SLC35G2: variants seen among roughly 807,000 people sequenced by gnomAD.
SLC35G2 encodes solute carrier family 35 member G2.
SLC35G2 carries 20 observed loss-of-function variants against 27.2 expected under a neutral mutation model. The ratio of observed to expected loss-of-function variants is 0.74; its 90% CI spans 0.52 to 1.07. The LOEUF (loss-of-function observed/expected upper bound fraction) is 1.07. Among genes scored for constraint, SLC35G2 ranks in the 50% least tolerant of loss-of-function variants. SLC35G2 has a pLI of 0.00. For synonymous variants in SLC35G2, 148 were observed against 165.3 expected (o/e 0.90, Z 0.80); for missense variants, 416 against 493.3 (o/e 0.84, Z 1.48).
intron 1 of SLC35G2, among the ~76,000 whole-genome samples, chr3:136,834,254 A>G (rs749225257): frequency 1.3e-5 from 2 of 152,228 alleles, no homozygotes; most frequent in South Asian, 2.1e-4. Context: ...AGTAAATACT[A>G]TTTTAATTTC....
At chr3:136,841,547 G>A (rs1937096509) in intron 1 of SLC35G2, among the ~76,000 whole-genome samples, 2 of 151,984 alleles carry the variant, frequency 1.3e-5, no homozygotes, top group African/African-American at 4.8e-5. Context: ...TGACTAACAT[G>A]GAGAAACCCC....
chr3:136,843,683 A>G (rs1937217064), intron 1 of SLC35G2, among the ~76,000 whole-genome samples: 1 of 151,948 alleles, frequency 6.6e-6, no homozygotes, highest in Non-Finnish European at 1.5e-5. Flanking sequence ...CTGTAATCCC[A>G]GCACTTTGGG....
Position 136,846,392 on chromosome 3 carries a change from A to T in SLC35G2, c.-18-8051A>T, listed in dbSNP as rs1937379220. The T allele has an allele frequency of 2.0e-5, 3 of 152,172 alleles. No homozygotes were observed. The South Asian group carries it at 6.2e-4, about 31-fold the overall frequency. The allele number at this position is 152,172 out of a possible 1,614,324, so 9.4% of individuals were successfully genotyped here. On this transcript the variant is annotated intron_variant, in intron 1 of 1. Transcript: ENST00000446465. The stretch of plus-strand genomic sequence containing the variant: ...ACCAAACTGTGCATACTTTTAATTC[A>T]TTTGTATCCACTATTTTTGGTGGAA...
chr3:136,831,826 T>G (rs1936735401), intron 1 of SLC35G2, among the ~76,000 whole-genome samples: 2 of 152,030 alleles, frequency 1.3e-5, no homozygotes, highest in Admixed American at 6.6e-5. Context: ...GGAGTAATAG[T>G]ACCTACCTTG....
At chr3:136,828,876 T>G (rs1241669416) in intron 1 of SLC35G2, among the ~76,000 whole-genome samples, 1 of 152,106 alleles carries the variant, frequency 6.6e-6, no homozygotes, top group Non-Finnish European at 1.5e-5. Context: ...ATTTCTTGCT[T>G]TGTGTGTGTG....
intron 1 of SLC35G2, among the ~76,000 whole-genome samples, chr3:136,847,067 T>C (rs979459049): frequency 7.2e-5 from 11 of 152,012 alleles, no homozygotes; most frequent in Admixed American, 7.2e-4. Context: ...CTCTGGAGGC[T>C]GAGGGAGGCT....
intron 1 of SLC35G2, among the ~76,000 whole-genome samples, chr3:136,834,692 C>CAT (rs758199247): frequency 1.1e-4 from 16 of 152,104 alleles, no homozygotes; most frequent in Middle Eastern, 3.4e-3. Context: ...TCATTGCTAA[C>CAT]ATATATATAT....
At chr3:136,836,998 T>C (rs1188197058) in intron 1 of SLC35G2, among the ~76,000 whole-genome samples, 1 of 152,190 alleles carries the variant, frequency 6.6e-6, no homozygotes, top group East Asian at 1.9e-4. Context: ...TCAGGTCAGA[T>C]TTTTCCAAAT....
chr3:136,830,431 C>T (rs989108145), intron 1 of SLC35G2, among the ~76,000 whole-genome samples: 53 of 152,216 alleles, frequency 3.5e-4, no homozygotes, highest in African/African-American at 9.6e-4. Flanking sequence ...TACAGGCGCC[C>T]GCCACCACGC....
At chr3:136,841,519 G>A (rs999976991) in intron 1 of SLC35G2, among the ~76,000 whole-genome samples, 34 of 151,466 alleles carry the variant, frequency 2.2e-4, no homozygotes, top group Non-Finnish European at 3.8e-4. Context: ...ACCTGAGGTC[G>A]GGAGTTCGAG....
Position 136,855,836 on chromosome 3 carries a change from TTATTC to T in SLC35G2, c.*140_*144del, listed in dbSNP as rs1464252331. ...TATAATATATACAAATGCAGAAAAT[TTATTC>T]TAGTCTAATATATTCAAATACAAAT... On this transcript the variant is annotated 3_prime_UTR_variant, in exon 2 of 2. Transcript: ENST00000446465. The T allele has an allele frequency of 1.7e-5, 11 of 629,966 alleles. No individual in the cohort carries two copies. The highest frequency in any genetic ancestry group is 3.3e-5 in the Admixed American group (1 of 30,198). The allele number at this position is 629,966 out of a possible 1,614,324, so 39.0% of individuals were successfully genotyped here.
chr3:136,832,850 C>T (rs1348780908), intron 1 of SLC35G2, among the ~76,000 whole-genome samples: 8 of 152,060 alleles, frequency 5.3e-5, no homozygotes, highest in Admixed American at 2.0e-4. Flanking sequence ...AGGTGGATCA[C>T]GAGGTCAGGA....
Position 136,819,135 on chromosome 3 carries a change from AG to A in SLC35G2, c.-511del. Reference sequence around the variant, plus strand: ...CCTCTCCCTCCGCAGTACTCCGGGCAGCGCCCGCCTCGATTTTCCCAGGCGA... The same window carrying A: ...CCTCTCCCTCCGCAGTACTCCGGGCACGCCCGCCTCGATTTTCCCAGGCGA... On this transcript the variant is annotated 5_prime_UTR_variant, in exon 1 of 2. Coordinates refer to ENST00000446465, the MANE Select transcript of SLC35G2 (RefSeq NM_025246.3). 6.6e-6 allele frequency: 1 copy of A among 151,836 alleles called. No homozygotes were observed. Among genetic ancestry groups the A allele is most frequent in the African/African-American group, 2.4e-5 (1 of 41,454 alleles). 9.4% of individuals were successfully genotyped at this position (151,836 alleles called of 1,614,324 possible).
intron 1 of SLC35G2, among the ~76,000 whole-genome samples, chr3:136,846,294 A>C (rs987411129): frequency 6.6e-6 from 1 of 152,142 alleles, no homozygotes; most frequent in East Asian, 1.9e-4. Flanking sequence ...TAGCTTGGGA[A>C]ATAGTTCCTC....
chr3:136,827,712 C>G (rs1936620737), intron 1 of SLC35G2, among the ~76,000 whole-genome samples: 1 of 151,994 alleles, frequency 6.6e-6, no homozygotes, highest in Non-Finnish European at 1.5e-5. Context: ...CTTCATTGAC[C>G]TATTGGTCAT....
intron 1 of SLC35G2, among the ~76,000 whole-genome samples, chr3:136,849,735 C>T (rs1472286348): frequency 2.0e-5 from 3 of 151,136 alleles, no homozygotes; most frequent in Non-Finnish European, 4.4e-5. Context: ...TCAAGTGATC[C>T]GCCTGCCTCA....
chr3:136,840,099 C>A (rs1168876928), intron 1 of SLC35G2, among the ~76,000 whole-genome samples: 1 of 152,226 alleles, frequency 6.6e-6, no homozygotes, highest in Non-Finnish European at 1.5e-5. Context: ...TTTTCCTAGT[C>A]CAACTAAGCA....
At chr3:136,850,343 T>C (rs1441473919) in intron 1 of SLC35G2, among the ~76,000 whole-genome samples, 1 of 152,192 alleles carries the variant, frequency 6.6e-6, no homozygotes, top group Non-Finnish European at 1.5e-5. Context: ...TTATGGGTTG[T>C]TTTAGTAGTA....
chr3:136,854,882 C>G lies in SLC35G2; in HGVS notation c.422C>G (p.Ser141Cys). ...TCTCTAGAACTGATTTTTATCCGTT[C>G]TGTTTTTCAGGTCTTATCTGTGTTA... ...VPSLELIFIR[S>C]VFQVLSVLVV... is the part of the protein sequence containing the mutation. The change falls in exon 2 of 2, where the codon TCT becomes TGT. Residue 141 changes from serine (S) to cysteine (C), a missense_variant. Transcript: ENST00000446465. 2 of 1,614,158 alleles carry G rather than the reference C, an allele frequency of 1.2e-6. No homozygotes were observed. The highest frequency in any genetic ancestry group is 2.7e-5 in the African/African-American group (2 of 75,034).
Sources: allele counts gnomAD v4.1 joint callset (sites outside exome capture counted in the v4.1 genomes callset), GRCh38; gene constraint gnomAD v4.1.1; transcripts MANE v1.5; gene names NCBI Gene and HGNC (gene_info 2026-07-23, HGNC 2026-07-21).